The following ADCY9 variants were observed in gnomAD, a reference collection of about 807,000 sequenced individuals.
ADCY9 encodes adenylate cyclase type 9.
A neutral mutation model predicts 101.5 loss-of-function variants in ADCY9; 50 were observed. The observed-to-expected ratio is 0.49, with a 90% CI of 0.39 to 0.62. The LOEUF (loss-of-function observed/expected upper bound fraction) is 0.62. Among genes scored for constraint, ADCY9 ranks in the 20% least tolerant of loss-of-function variants. The pLI is 0.00. For missense variants in ADCY9, 1,662 were observed against 1,800.4 expected (o/e 0.92, Z 1.39); for synonymous variants, 905 against 769.3 (o/e 1.18, Z -2.92).
At chr16:3,996,278 C>G (rs1597153520) in intron 3 of ADCY9, among the ~76,000 whole-genome samples, 1 of 152,204 alleles carries the variant, frequency 6.6e-6, no homozygotes, top group East Asian at 1.9e-4. Context: ...AGGAGGATTG[C>G]TTCAGCGAAG....
chr16:3,969,569 A>AATATATATACATAT (rs2056029561), intron 10 of ADCY9, among the ~76,000 whole-genome samples: 1 of 45,228 alleles, frequency 2.2e-5, no homozygotes, highest in Non-Finnish European at 4.4e-5. Context: ...GTTTGTTTGA[A>AATATATATACATAT]ATATATATAT....
At chr16:4,085,864 G>T (rs920393455) in intron 2 of ADCY9, among the ~76,000 whole-genome samples, 1 of 152,006 alleles carries the variant, frequency 6.6e-6, no homozygotes, top group Non-Finnish European at 1.5e-5. Context: ...GGGACAACCA[G>T]TGTGGTCCTT....
chr16:4,093,570 T>A (rs111622193), intron 2 of ADCY9, among the ~76,000 whole-genome samples: 1 of 152,000 alleles, frequency 6.6e-6, no homozygotes, highest in Non-Finnish European at 1.5e-5. Context: ...TGTCTCTACA[T>A]AAAAAAAGTA....
rs138634157 is a variant in ADCY9 at position 4,095,692 on chromosome 16, C to T, written c.1693+18058G>A. On this transcript the variant is annotated intron_variant, in intron 2 of 10. Coordinates refer to ENST00000294016, the MANE Select transcript of ADCY9 (RefSeq NM_001116.4). ...AGACTTTCAAAATCAAACAGGATTC[C>T]CAGACCAGGCACCATGGGTCACGCC... 4.9e-4 allele frequency among the ~76,000 whole-genome samples: 75 copies of T among 152,046 alleles called. 1 individual carries two copies. The East Asian group carries it at 0.014, about 28-fold the overall frequency.
At chr16:4,059,367 C>A (rs577684640) in intron 2 of ADCY9, among the ~76,000 whole-genome samples, 24 of 116,618 alleles carry the variant, frequency 2.1e-4, no homozygotes, top group African/African-American at 6.9e-4. Context: ...GGCGACACAG[C>A]GAGAATCCAT....
At chr16:4,074,631 C>A (rs995284544) in intron 2 of ADCY9, among the ~76,000 whole-genome samples, 3 of 148,990 alleles carry the variant, frequency 2.0e-5, no homozygotes, top group Non-Finnish European at 4.4e-5. Flanking sequence ...GCGGGTGGGT[C>A]GCTTGAGCCC....
chr16:4,091,650 C>T (rs764415841), intron 2 of ADCY9, among the ~76,000 whole-genome samples: 7 of 152,226 alleles, frequency 4.6e-5, no homozygotes, highest in Non-Finnish European at 7.3e-5. Flanking sequence ...AGGTACTACT[C>T]CATGCCACAA....
At chr16:4,070,820 C>T (rs2056829166) in intron 2 of ADCY9, among the ~76,000 whole-genome samples, 2 of 152,016 alleles carry the variant, frequency 1.3e-5, no homozygotes, top group South Asian at 4.1e-4. Flanking sequence ...ATGATGCATG[C>T]ATGTAGTCCT....
Position 3,983,400 on chromosome 16 carries a change from G to A in ADCY9, c.2351C>T (p.Thr784Ile). The A allele has an allele frequency of 6.2e-7, 1 of 1,608,380 alleles. No individual in the cohort carries two copies. Among genetic ancestry groups the A allele is most frequent in the Non-Finnish European group, 8.5e-7 (1 of 1,176,990 alleles). ...NSPVKTFASP[T>I]FSSLLDVFLS... is the part of the protein sequence containing the mutation. Reference sequence around the variant, plus strand: ...AAACACATCCAGGAGGGAGCTGAAGGTGGGACTAGCAAACGTCTTCACGGG... The same window carrying A: ...AAACACATCCAGGAGGGAGCTGAAGATGGGACTAGCAAACGTCTTCACGGG... Residue 784 changes from threonine (T) to isoleucine (I), a missense_variant, in exon 7 of 11, where the codon ACC becomes ATC. Thr to Ile is a moderately conservative substitution (Grantham distance 89, BLOSUM62 -1). Transcript: ENST00000294016.
At chr16:3,986,712 C>T (rs1222067768) in intron 6 of ADCY9, among the ~76,000 whole-genome samples, 1 of 152,180 alleles carries the variant, frequency 6.6e-6, no homozygotes, top group Non-Finnish European at 1.5e-5. Flanking sequence ...CCCGCCTCAG[C>T]CTCCCAAAGT....
chr16:3,985,288 C>T (rs920409325), intron 6 of ADCY9, among the ~76,000 whole-genome samples: 3 of 151,950 alleles, frequency 2.0e-5, no homozygotes, highest in African/African-American at 7.3e-5. Flanking sequence ...GACAGGCACC[C>T]GCCACCACGC....
At chr16:3,974,642 G>T in intron 10 of ADCY9, 27 bp downstream of exon 10, 2 of 1,597,960 alleles carry the variant, frequency 1.3e-6, no homozygotes, top group South Asian at 2.2e-5. Flanking sequence ...CGTTTATTCA[G>T]ACAGAAGTGC....
intron 2 of ADCY9, among the ~76,000 whole-genome samples, chr16:4,111,341 T>G (rs933336516): frequency 6.6e-6 from 1 of 152,190 alleles, no homozygotes; most frequent in Non-Finnish European, 1.5e-5. Flanking sequence ...TGGTGTGCAG[T>G]GGCGCAGCCT....
intron 3 of ADCY9, among the ~76,000 whole-genome samples, chr16:4,000,217 C>T (rs1034412207): frequency 3.3e-5 from 5 of 152,242 alleles, no homozygotes; most frequent in South Asian, 2.1e-4. Context: ...GCTTAACCCT[C>T]GTAAGCAACC....
At chr16:3,959,064 C>T (rs958824248), downstream of ADCY9, among the ~76,000 whole-genome samples, 9 of 151,918 alleles carry the variant, frequency 5.9e-5, no homozygotes, top group South Asian at 1.9e-3. Flanking sequence ...GTTAACAGCC[C>T]TATTTAAAAA....
intron 2 of ADCY9, among the ~76,000 whole-genome samples, chr16:4,074,036 G>C (rs999882215): frequency 6.6e-6 from 1 of 152,006 alleles, no homozygotes; most frequent in Non-Finnish European, 1.5e-5. Context: ...GGTCACACAT[G>C]GATAGTAGCT....
Position 4,007,359 on chromosome 16 carries a change from A to G in ADCY9, c.1884+9T>C. On this transcript the variant is annotated intron_variant, in intron 3 of 10. Coordinates refer to ENST00000294016, the MANE Select transcript of ADCY9 (RefSeq NM_001116.4). The stretch of plus-strand genomic sequence containing the variant: ...TTAGAAGTAGGAAAAAAAAAACAAA[A>G]AAACTAACCTTAAGGTTATCAAAGG... The G allele has an allele frequency of 6.5e-7, 1 of 1,530,562 alleles. No individual in the cohort carries two copies. The highest frequency in any genetic ancestry group is 8.8e-7 in the Non-Finnish European group (1 of 1,141,056). 94.8% of individuals were successfully genotyped at this position (1,530,562 alleles called of 1,614,324 possible).
intron 2 of ADCY9, among the ~76,000 whole-genome samples, chr16:4,039,477 G>C (rs188024571): frequency 6.7e-6 from 1 of 148,760 alleles, no homozygotes; most frequent in East Asian, 2.0e-4. Context: ...TCAGGAGTTC[G>C]AGGCCAGCCT....
Position 3,993,479 on chromosome 16 carries a change from G to A in ADCY9, c.1916C>T (p.Pro639Leu). The A allele has an allele frequency of 6.2e-7, 1 of 1,614,148 alleles. No homozygotes were observed. Among genetic ancestry groups the A allele is most frequent in the South Asian group, 1.1e-5 (1 of 91,080 alleles). ...TCCCTCGGCGCCGGCTTCAGATTTG[G>A]GAGCAAATGTGATTCCGCACGAAGG... is the stretch of plus-strand genomic sequence containing the variant. ...TCPSCGITFAPKSEAGAEGGA... is the reference protein window; with the variant it reads ...TCPSCGITFALKSEAGAEGGA... The change falls in exon 4 of 11, where the codon CCC becomes CTC. Residue 639 changes from proline to leucine, a missense_variant. Transcript: ENST00000294016.
Sources: allele counts gnomAD v4.1 joint callset (sites outside exome capture counted in the v4.1 genomes callset), GRCh38; gene constraint gnomAD v4.1.1; transcripts MANE v1.5; gene names NCBI Gene and HGNC (gene_info 2026-07-23, HGNC 2026-07-21).